The following TIMM17A variants were observed in gnomAD, a reference collection of about 807,000 sequenced individuals.
TIMM17A encodes translocase of inner mitochondrial membrane 17A.
Under a neutral mutation model 26.5 loss-of-function variants are expected in TIMM17A, and 15 were observed. The ratio of observed to expected loss-of-function variants is 0.57; its 90% confidence interval spans 0.38 to 0.87. The LOEUF is 0.87. TIMM17A is among the 40% of genes least tolerant of loss of function. The pLI, the probability that TIMM17A is intolerant of heterozygous loss-of-function variation, is 0.00. For synonymous variants in TIMM17A, 80 were observed against 70.8 expected (o/e 1.13, Z -0.66); for missense variants, 201 against 210.0 (o/e 0.96, Z 0.27).
intron 1 of TIMM17A, among the ~76,000 whole-genome samples, chr1:201,955,848 G>T (rs1682399946): frequency 6.6e-6 from 1 of 152,222 alleles, no homozygotes; most frequent in Non-Finnish European, 1.5e-5. Context: ...CCAACGCAGG[G>T]CGTAATCGAC....
Position 201,955,570 on chromosome 1 carries a change from CTT to C in TIMM17A, c.26+20_26+21del. ...GAGCCTTGGTGAGCTTCACCGCTGT[CTT>C]TGCATTTCTCTTGCCCCCCTGCCCA... On this transcript the variant is annotated intron_variant, in intron 1 of 5. Transcript: ENST00000367287. 1 of 1,614,258 alleles carries C rather than the reference CTT, an allele frequency of 6.2e-7. No individual in the cohort carries two copies. Among genetic ancestry groups the C allele is most frequent in the Non-Finnish European group, 8.5e-7 (1 of 1,180,040 alleles).
At chr1:201,967,386 A>G (rs1029849931) in intron 5 of TIMM17A, among the ~76,000 whole-genome samples, 36 of 152,288 alleles carry the variant, frequency 2.4e-4, no homozygotes, top group African/African-American at 8.4e-4. Flanking sequence ...GACTTTACAT[A>G]AAACATCAAA....
intron 5 of TIMM17A, among the ~76,000 whole-genome samples, chr1:201,966,982 T>TG (rs1553301527): frequency 7.1e-6 from 1 of 140,668 alleles, no homozygotes; most frequent in Non-Finnish European, 1.5e-5. Flanking sequence ...ATGTTGTATA[T>TG]TATATATGTT....
chr1:201,957,193 G>T (rs961702795), intron 1 of TIMM17A, 88 bp from the exon 2 acceptor site: 28 of 843,474 alleles, frequency 3.3e-5, no homozygotes, highest in African/African-American at 3.2e-4. Context: ...AGTATAATCT[G>T]TTCCATTATA....
At chr1:201,959,433 A>G (rs1553301011) in intron 3 of TIMM17A, among the ~76,000 whole-genome samples, 1 of 152,132 alleles carries the variant, frequency 6.6e-6, no homozygotes, top group Non-Finnish European at 1.5e-5. Context: ...AGGCGGGTGG[A>G]TCACGAGGTC....
chr1:201,963,829 A>G (rs1558251006), intron 4 of TIMM17A, 85 bp downstream of exon 4: 7 of 1,393,992 alleles, frequency 5.0e-6, no homozygotes, highest in Non-Finnish European at 6.7e-6. Flanking sequence ...TCTGTAATAT[A>G]TAAAACTGAT....
At chr1:201,965,126 A>G (rs909444999) in intron 4 of TIMM17A, among the ~76,000 whole-genome samples, 1 of 151,570 alleles carries the variant, frequency 6.6e-6, no homozygotes, top group Admixed American at 6.6e-5. Flanking sequence ...TAATTTTTGT[A>G]TTTTTAGTAG....
intron 3 of TIMM17A, among the ~76,000 whole-genome samples, chr1:201,958,309 T>C (rs985402524): frequency 9.9e-5 from 15 of 152,194 alleles, no homozygotes; most frequent in African/African-American, 3.6e-4. Flanking sequence ...CATTGGAAAA[T>C]TTGAAAAGAT....
At position 201,965,515 on chromosome 1, in the gene TIMM17A, A is replaced by T. The variant is rs1158490277; in HGVS notation, c.402A>T (p.Thr134=). 6.2e-7 allele frequency: 1 copy of T among 1,613,958 alleles called. No homozygotes were observed. Among genetic ancestry groups the T allele is most frequent in the Non-Finnish European group, 8.5e-7 (1 of 1,179,790 alleles). Residue 134 remains threonine, a synonymous_variant, in exon 5 of 6, where the codon ACA becomes ACT. Coordinates refer to ENST00000367287, the MANE Select transcript of TIMM17A (RefSeq NM_006335.3). ...TTGAAGGAGCTGGTATCTTGTTGAC[A>T]AGATTTGCCTCTGCACAGTTTCCCA... ...ALIEGAGILL[T]RFASAQFPNG...
At chr1:201,968,048 T>C (rs921381974) in intron 5 of TIMM17A, among the ~76,000 whole-genome samples, 5 of 151,114 alleles carry the variant, frequency 3.3e-5, no homozygotes, top group Non-Finnish European at 7.4e-5. Flanking sequence ...CCAGGCTGGA[T>C]TGCAGTGGTG....
intron 3 of TIMM17A, 73 bp downstream of exon 3, chr1:201,957,647 G>A: frequency 1.6e-6 from 2 of 1,277,216 alleles, no homozygotes; most frequent in Non-Finnish European, 2.2e-6. Flanking sequence ...TTTATTTTTA[G>A]ATTACAACAA....
chr1:201,957,822 C>T (rs1553300878), intron 3 of TIMM17A: 3 of 414,364 alleles, frequency 7.2e-6, no homozygotes, highest in Non-Finnish European at 8.5e-6. Flanking sequence ...TTTCCTTCTC[C>T]AGAAGAAAGA....
In TIMM17A at chr1:201,960,013, A is replaced by AATAAATAC. The variant is rs1374648789; in HGVS notation, c.190+2446_190+2447insCATAAATA. Among the ~76,000 whole-genome samples the AATAAATAC allele has an allele frequency of 2.0e-5, 3 of 151,906 alleles. No homozygotes were observed. In the East Asian group the frequency reaches 5.8e-4, roughly 29 times the overall value. ...GACTCTGTCTCAAAATAAATAAATA[A>AATAAATAC]ATAAATAAAAATAAATGTAATGTGG... On this transcript the variant is annotated intron_variant, in intron 3 of 5. Transcript: ENST00000367287.
intron 5 of TIMM17A, among the ~76,000 whole-genome samples, chr1:201,966,961 ATATAT>A (rs1682639904): frequency 7.3e-6 from 1 of 137,430 alleles, no homozygotes; most frequent in African/African-American, 2.7e-5. Context: ...TATATATGTT[ATATAT>A]TATATATGTT....
rs915746296 is a variant in TIMM17A at position 201,970,653 on chromosome 1, A to G, written c.*1099A>G. ...TGTGGTAAAATATACATAAAATAAT[A>G]CTTATTAACCATTTGTAAGTGTATA... On this transcript the variant is annotated 3_prime_UTR_variant, in exon 6 of 6. Transcript: ENST00000367287. 2.6e-5 allele frequency: 4 copies of G among 152,236 alleles called. No individual in the cohort carries two copies. Among genetic ancestry groups the G allele is most frequent in the African/African-American group, 7.2e-5 (3 of 41,448 alleles). 9.4% of individuals were successfully genotyped at this position (152,236 alleles called of 1,614,324 possible).
intron 4 of TIMM17A, among the ~76,000 whole-genome samples, chr1:201,964,651 T>TAA (rs1558251189): frequency 8.5e-6 from 1 of 117,460 alleles, no homozygotes; most frequent in South Asian, 2.7e-4. Flanking sequence ...TTTTTTTTTT[T>TAA]TTTTTTTTTT....
intron 3 of TIMM17A, among the ~76,000 whole-genome samples, chr1:201,961,122 A>G (rs924083349): frequency 5.3e-5 from 8 of 150,070 alleles, no homozygotes; most frequent in African/African-American, 2.0e-4. Context: ...CTAGAGTGCA[A>G]TGGCGCGGTC....
chr1:201,955,831 C>G (rs1291886384), intron 1 of TIMM17A, among the ~76,000 whole-genome samples: 17 of 152,216 alleles, frequency 1.1e-4, no homozygotes, highest in Admixed American at 2.6e-4. Context: ...AACCTCGGAA[C>G]CTCCTCCCAA....
At chr1:201,959,885 C>T (rs1017153488) in intron 3 of TIMM17A, among the ~76,000 whole-genome samples, 7 of 152,022 alleles carry the variant, frequency 4.6e-5, no homozygotes, top group East Asian at 1.9e-4. Flanking sequence ...CCTGTAGTCC[C>T]GGCTCCTTGG....
Sources: allele counts gnomAD v4.1 joint callset (sites outside exome capture counted in the v4.1 genomes callset), GRCh38; gene constraint gnomAD v4.1.1; transcripts MANE v1.5; gene names NCBI Gene and HGNC (gene_info 2026-07-23, HGNC 2026-07-21).